Variants in INPP5B observed in about 807,000 individuals in gnomAD.
INPP5B encodes inositol polyphosphate-5-phosphatase B, also known as type II inositol 1,4,5-trisphosphate 5-phosphatase.
Under a neutral mutation model 118.5 loss-of-function variants are expected in INPP5B, and 90 were observed. The ratio of observed to expected loss-of-function variants is 0.76; its 90% CI spans 0.64 to 0.90. The LOEUF is 0.90. INPP5B is among the 40% of genes least tolerant of loss of function. The pLI is 0.00. For synonymous variants in INPP5B, 385 were observed against 418.9 expected (o/e 0.92, Z 0.99); for missense variants, 984 against 1,125.6 (o/e 0.87, Z 1.80).
chr1:37,868,306 C>CT (rs1642175834), intron 20 of INPP5B, among the ~76,000 whole-genome samples, 195 bp downstream of exon 20: 1 of 130,324 alleles, frequency 7.7e-6, no homozygotes, highest in South Asian at 2.5e-4. Flanking sequence ...GAATAAAACT[C>CT]TGTCTCAAAA....
At chr1:37,920,882 A>G (rs906782993) in intron 7 of INPP5B, among the ~76,000 whole-genome samples, 1 of 152,018 alleles carries the variant, frequency 6.6e-6, no homozygotes, top group African/African-American at 2.4e-5. Flanking sequence ...CGAGGCAGGC[A>G]TATCACAAGG....
intron 7 of INPP5B, chr1:37,931,451 T>C (rs1645453750): frequency 6.5e-7 from 1 of 1,528,066 alleles, no homozygotes; most frequent in African/African-American, 1.4e-5. Context: ...GCCTCCGGAT[T>C]CCCAAGTACC....
At position 37,887,118 on chromosome 1, in the gene INPP5B, A is replaced by G. The variant is rs1175994155; in HGVS notation, c.1015-114T>C. On this transcript the variant is annotated intron_variant, in intron 11 of 23. Coordinates refer to ENST00000373024, the MANE Select transcript of INPP5B (RefSeq NM_005540.3). ...ATTCACGTGTCTCCTTCTCCACACTAGAACACAGGTAATCATCTGTTCAAT... is the reference window on the plus strand; with the variant it reads ...ATTCACGTGTCTCCTTCTCCACACTGGAACACAGGTAATCATCTGTTCAAT... 5.9e-6 allele frequency: 5 copies of G among 843,548 alleles called. No homozygotes were observed. In the Admixed American group the frequency reaches 9.9e-5, roughly 17 times the overall value. The allele number at this position is 843,548 out of a possible 1,614,324, so 52.3% of individuals were successfully genotyped here.
intron 7 of INPP5B, among the ~76,000 whole-genome samples, chr1:37,909,950 G>C (rs1020681475): frequency 6.6e-6 from 1 of 152,130 alleles, no homozygotes; most frequent in Non-Finnish European, 1.5e-5. Flanking sequence ...TGGCCACTGG[G>C]CCAAGGAATG....
chr1:37,892,539 T>A (rs1643878277), intron 7 of INPP5B, among the ~76,000 whole-genome samples: 1 of 152,160 alleles, frequency 6.6e-6, no homozygotes, highest in South Asian at 2.1e-4. Context: ...ACCCAAGTTA[T>A]GGGAAGGAGC....
At chr1:37,931,888 C>G (rs778592688) in intron 7 of INPP5B, 25 bp downstream of exon 7, 1 of 1,613,762 alleles carries the variant, frequency 6.2e-7, no homozygotes, top group African/African-American at 1.3e-5. Flanking sequence ...CAATCCCCAC[C>G]GTTTCTTCCG....
At chr1:37,914,323 C>T (rs539127297) in intron 7 of INPP5B, among the ~76,000 whole-genome samples, 53 of 152,258 alleles carry the variant, frequency 3.5e-4, no homozygotes, top group Admixed American at 1.9e-3. Context: ...TCTATAGATT[C>T]GCTTTGAATT....
In INPP5B at chr1:37,914,133, C is replaced by A. The variant is rs138243819; in HGVS notation, c.532+17780G>T. The stretch of plus-strand genomic sequence containing the variant: ...GAAATAAACAGCCTTGTTACTCACA[C>A]AAAGCCTGTTGGTGGACTCTTCACA... On this transcript the variant is annotated intron_variant, in intron 7 of 23. Transcript: ENST00000373024. Among the ~76,000 whole-genome samples the A allele has an allele frequency of 1.8e-3, 267 of 152,322 alleles. 1 individual carries two copies. The highest frequency in any genetic ancestry group is 5.0e-3 in the African/African-American group (208 of 41,560).
chr1:37,883,737 A>G, intron 13 of INPP5B: 1 of 985,434 alleles, frequency 1.0e-6, no homozygotes, highest in African/African-American at 1.7e-5. Context: ...GGCTCCCTGG[A>G]GAAGAAAAAC....
intron 15 of INPP5B, 149 bp downstream of exon 15, chr1:37,879,936 A>G (rs1643090545): frequency 4.0e-6 from 2 of 498,950 alleles, no homozygotes; most frequent in Non-Finnish European, 7.2e-6. Flanking sequence ...TCATGAGCAG[A>G]TACTGAGAGA....
chr1:37,906,808 C>T (rs1644516194), intron 7 of INPP5B, among the ~76,000 whole-genome samples: 1 of 150,546 alleles, frequency 6.6e-6, no homozygotes, highest in Non-Finnish European at 1.5e-5. Context: ...TGCAATGAGC[C>T]GAGATTGCAC....
chr1:37,932,079 C>T, intron 6 of INPP5B, 26 bp from the exon 7 acceptor site: 1 of 1,548,956 alleles, frequency 6.5e-7, no homozygotes, highest in Non-Finnish European at 8.7e-7. Context: ...TGGGGGCAGA[C>T]TGAGCCACGA....
intron 7 of INPP5B, among the ~76,000 whole-genome samples, chr1:37,897,633 G>A (rs1032862061): frequency 3.3e-5 from 5 of 150,826 alleles, no homozygotes; most frequent in African/African-American, 1.2e-4. Context: ...GAAAACCAGA[G>A]ACCTTTGTTC....
chr1:37,925,435 G>C (rs1373729644), intron 7 of INPP5B, among the ~76,000 whole-genome samples: 1 of 152,074 alleles, frequency 6.6e-6, no homozygotes, highest in Non-Finnish European at 1.5e-5. Context: ...TAAATTTAGA[G>C]ATATCACTAT....
chr1:37,896,526 T>G (rs1309226012), intron 7 of INPP5B, among the ~76,000 whole-genome samples: 1 of 137,840 alleles, frequency 7.3e-6, no homozygotes, highest in Non-Finnish European at 1.6e-5. Flanking sequence ...GAGGGGCGCC[T>G]CTGCCCGGCC....
chr1:37,868,931 T>C (rs1642222736), intron 19 of INPP5B, among the ~76,000 whole-genome samples: 1 of 152,228 alleles, frequency 6.6e-6, no homozygotes, highest in African/African-American at 2.4e-5. Flanking sequence ...CAGCACAGAC[T>C]TGGGAGTCCA....
At position 37,891,347 on chromosome 1, in the gene INPP5B, A is replaced by G. The variant is rs1643833902; in HGVS notation, c.629+11T>C. Reference sequence around the variant, plus strand: ...TCCTACAAGGGACAAGTGAAGGGAGAGTTGCATTACCTTGGTTGCAAGCTT... The same window carrying G: ...TCCTACAAGGGACAAGTGAAGGGAGGGTTGCATTACCTTGGTTGCAAGCTT... On this transcript the variant is annotated intron_variant, in intron 8 of 23. Transcript: ENST00000373024. 1 of 1,599,132 alleles carries G rather than the reference A, an allele frequency of 6.3e-7. No homozygotes were observed. The highest frequency in any genetic ancestry group is 8.6e-7 in the Non-Finnish European group (1 of 1,166,390).
rs777198899 is a variant in INPP5B at position 37,887,479 on chromosome 1, C to G, written c.900-14G>C. 8.1e-6 allele frequency: 12 copies of G among 1,478,116 alleles called. No individual in the cohort carries two copies. The highest frequency in any genetic ancestry group is 2.3e-5 in the South Asian group (2 of 87,130). 91.6% of individuals were successfully genotyped at this position (1,478,116 alleles called of 1,614,324 possible). ...AGCTCCTGGAACCTATTTTGAGAAG[C>G]AACCAGTTAGATAGTAAAGAAAAGT... On this transcript the variant is annotated splice_polypyrimidine_tract_variant and intron_variant, in intron 10 of 23. Coordinates refer to ENST00000373024, the MANE Select transcript of INPP5B (RefSeq NM_005540.3).
chr1:37,903,223 C>T (rs1644392479), intron 7 of INPP5B, among the ~76,000 whole-genome samples: 4 of 152,092 alleles, frequency 2.6e-5, no homozygotes, highest in African/African-American at 9.7e-5. Flanking sequence ...AAAGACCTTG[C>T]TGATAAAACA....
Sources: allele counts gnomAD v4.1 joint callset (sites outside exome capture counted in the v4.1 genomes callset), GRCh38; gene constraint gnomAD v4.1.1; transcripts MANE v1.5; gene names NCBI Gene and HGNC (gene_info 2026-07-23, HGNC 2026-07-21).